Variants in EXOC6 observed in about 807,000 individuals in gnomAD.
EXOC6 encodes the protein exocyst complex component 6.
Under a neutral mutation model 112.5 loss-of-function variants are expected in EXOC6, and 60 were observed. That is an observed-to-expected ratio of 0.53 (90% confidence interval 0.43 to 0.66). EXOC6 has a LOEUF of 0.66. EXOC6 is among the 30% of genes least tolerant of loss of function. The pLI is 0.00. For synonymous variants in EXOC6, 295 were observed against 308.0 expected, an observed-to-expected ratio of 0.96 and a Z score of 0.44; for missense variants, 855 against 957.1, an observed-to-expected ratio of 0.89 and a Z score of 1.41.
intron 12 of EXOC6, among the ~76,000 whole-genome samples, chr10:92,936,732 C>T (rs1852365867): frequency 6.6e-6 from 1 of 152,214 alleles, no homozygotes; most frequent in African/African-American, 2.4e-5. Context: ...GGAGTCATAT[C>T]ATCCTCTCCC....
intron 4 of EXOC6, among the ~76,000 whole-genome samples, chr10:92,896,292 G>T (rs2133826671): frequency 7.5e-6 from 1 of 133,544 alleles, no homozygotes; most frequent in East Asian, 2.4e-4. Flanking sequence ...CCACCTTCTG[G>T]GCTCAAGTCA....
intron 20 of EXOC6, among the ~76,000 whole-genome samples, chr10:93,047,180 A>G (rs933422430): frequency 1.3e-5 from 2 of 152,192 alleles, no homozygotes; most frequent in African/African-American, 2.4e-5. Flanking sequence ...GGCAAGACCA[A>G]TGGCCCCAGA....
intron 11 of EXOC6, among the ~76,000 whole-genome samples, chr10:92,935,122 A>T (rs532192112): frequency 6.6e-6 from 1 of 152,002 alleles, no homozygotes; most frequent in African/African-American, 2.4e-5. Context: ...TTGTTAGCTT[A>T]TGTGATATTA....
intron 18 of EXOC6, among the ~76,000 whole-genome samples, chr10:92,981,631 T>C (rs1415163101): frequency 1.3e-5 from 2 of 152,228 alleles, no homozygotes; most frequent in Non-Finnish European, 2.9e-5. Flanking sequence ...TGTCTTTAAG[T>C]ATAATGTAAT....
Position 92,930,458 on chromosome 10 carries a change from G to A in EXOC6, c.972+2036G>A, listed in dbSNP as rs574170640. Among the ~76,000 whole-genome samples the A allele has an allele frequency of 2.8e-4, 43 of 151,912 alleles. No homozygotes were observed. The East Asian group carries it at 5.4e-3, about 19-fold the overall frequency. On this transcript the variant is annotated intron_variant, in intron 9 of 21. Transcript: ENST00000260762. Reference sequence around the variant, plus strand: ...GCAGAGGTTGCAGTGAGCCGACATCGCACCATTGCACTCCAGCCTGGGTGA... The same window carrying A: ...GCAGAGGTTGCAGTGAGCCGACATCACACCATTGCACTCCAGCCTGGGTGA...
intron 1 of EXOC6, among the ~76,000 whole-genome samples, chr10:92,889,197 A>T (rs1399525851): frequency 1.3e-5 from 2 of 152,188 alleles, no homozygotes; most frequent in Non-Finnish European, 2.9e-5. Context: ...TGTGTATACT[A>T]TACTAGTCAT....
At chr10:92,896,813 C>T (rs969458963) in intron 4 of EXOC6, among the ~76,000 whole-genome samples, 7 of 152,114 alleles carry the variant, frequency 4.6e-5, no homozygotes, top group African/African-American at 1.4e-4. Context: ...ACCCCAGCTT[C>T]CTAAAGTGCT....
chr10:92,937,932 A>C (rs999600733), intron 12 of EXOC6, among the ~76,000 whole-genome samples: 3 of 152,180 alleles, frequency 2.0e-5, no homozygotes, highest in Non-Finnish European at 1.5e-5. Context: ...TCCATAACAA[A>C]AAGGAACTTT....
At chr10:92,886,058 G>A (rs1013170247) in intron 1 of EXOC6, among the ~76,000 whole-genome samples, 2 of 152,022 alleles carry the variant, frequency 1.3e-5, no homozygotes, top group Non-Finnish European at 2.9e-5. Context: ...CTGAAAGAAC[G>A]AAAAATTATT....
chr10:92,852,661 A>G (rs532528093), intron 1 of EXOC6, among the ~76,000 whole-genome samples: 1 of 152,294 alleles, frequency 6.6e-6, no homozygotes, highest in South Asian at 2.1e-4. Flanking sequence ...ACCATATTAA[A>G]CAAAGAAAAG....
At chr10:92,967,680 A>G (rs937956260) in intron 17 of EXOC6, among the ~76,000 whole-genome samples, 2 of 152,186 alleles carry the variant, frequency 1.3e-5, no homozygotes, top group Non-Finnish European at 2.9e-5. Flanking sequence ...AGGCATCCCA[A>G]AAAAGCAAAA....
At chr10:93,045,968 T>C (rs1206347232) in intron 20 of EXOC6, among the ~76,000 whole-genome samples, 1 of 152,242 alleles carries the variant, frequency 6.6e-6, no homozygotes, top group Non-Finnish European at 1.5e-5. Flanking sequence ...AGAATAATTA[T>C]AAAACATTAC....
chr10:93,012,858 C>G (rs1020243599), intron 19 of EXOC6, among the ~76,000 whole-genome samples: 4 of 151,990 alleles, frequency 2.6e-5, no homozygotes, highest in Admixed American at 2.6e-4. Flanking sequence ...TAGCAATACC[C>G]TATCTCTACC....
intron 1 of EXOC6, among the ~76,000 whole-genome samples, chr10:92,888,920 G>A (rs1849362575): frequency 6.6e-6 from 1 of 152,098 alleles, no homozygotes. Context: ...TACCAGCTAG[G>A]CTATGTTGAG....
chr10:92,879,010 C>T (rs1470597393), intron 1 of EXOC6, among the ~76,000 whole-genome samples: 2 of 152,054 alleles, frequency 1.3e-5, no homozygotes, highest in Non-Finnish European at 2.9e-5. Context: ...TTGCAGATGG[C>T]TTTCATTTTT....
chr10:93,004,753 G>C (rs1481056183), intron 19 of EXOC6, among the ~76,000 whole-genome samples: 1 of 152,090 alleles, frequency 6.6e-6, no homozygotes, highest in Non-Finnish European at 1.5e-5. Context: ...ATTGCTTTCA[G>C]ATCAGTCTTA....
rs112152320 is a variant in EXOC6 at position 92,949,457 on chromosome 10, A to G, written c.1416+1078A>G. ...GCCCAATGAAAGTTGTTCTGTCAAG[A>G]AATATCACCAGAATATTCTCTATCT... On this transcript the variant is annotated intron_variant, in intron 14 of 21. Transcript: ENST00000260762. Among the ~76,000 whole-genome samples the G allele has an allele frequency of 4.8e-3, 724 of 152,182 alleles. 7 individuals are homozygous for G. The highest frequency in any genetic ancestry group is 0.016 in the African/African-American group (661 of 41,542).
At chr10:93,046,384 A>G (rs1261419898) in intron 20 of EXOC6, among the ~76,000 whole-genome samples, 1 of 152,206 alleles carries the variant, frequency 6.6e-6, no homozygotes, top group Non-Finnish European at 1.5e-5. Flanking sequence ...TACTGTGAAA[A>G]ACACTGTGAT....
chr10:92,839,272 G>C (rs1389699766), intron 1 of EXOC6, among the ~76,000 whole-genome samples: 1 of 152,072 alleles, frequency 6.6e-6, no homozygotes, highest in Non-Finnish European at 1.5e-5. Flanking sequence ...TCTCCATCTG[G>C]TGTAGATGTG....
Sources: allele counts gnomAD v4.1 joint callset (sites outside exome capture counted in the v4.1 genomes callset), GRCh38; gene constraint gnomAD v4.1.1; transcripts MANE v1.5; gene names NCBI Gene and HGNC (gene_info 2026-07-23, HGNC 2026-07-21).